The following RALGAPA2 variants were observed in gnomAD, a reference collection of about 807,000 sequenced individuals.
The protein encoded by RALGAPA2 is ral GTPase-activating protein subunit alpha-2.
Under a neutral mutation model 230.4 loss-of-function variants are expected in RALGAPA2, and 139 were observed. The observed-to-expected ratio is 0.60, with a 90% confidence interval of 0.53 to 0.69. The LOEUF (loss-of-function observed/expected upper bound fraction) is 0.69, where lower values mean the gene tolerates loss of function less well. Ranked by LOEUF, RALGAPA2 falls within the 30% of genes least tolerant of loss-of-function variation. The probability of loss-of-function intolerance (pLI) is 0.00; values close to 1 mark genes in which losing one functional copy is unlikely to be tolerated. For missense variants in RALGAPA2, 2,163 were observed against 2,276.0 expected (o/e 0.95, Z 1.01); for synonymous variants, 847 against 837.8 (o/e 1.01, Z -0.19).
chr20:20,432,430 C>T (rs998850834), intron 37 of RALGAPA2, among the ~76,000 whole-genome samples: 8 of 152,142 alleles, frequency 5.3e-5, no homozygotes, highest in African/African-American at 1.7e-4. Context: ...CAAAGGTGAG[C>T]GCCGTATATA....
At chr20:20,598,743 G>C (rs1347435725) in intron 16 of RALGAPA2, 2 of 456,510 alleles carry the variant, frequency 4.4e-6, no homozygotes, top group South Asian at 3.1e-5. Flanking sequence ...CGGTGTGAAG[G>C]AGGAGCGGGA....
intron 38 of RALGAPA2, among the ~76,000 whole-genome samples, chr20:20,406,411 G>A (rs2059946893): frequency 6.6e-6 from 1 of 152,204 alleles, no homozygotes; most frequent in Non-Finnish European, 1.5e-5. Flanking sequence ...CAAAGCAAAA[G>A]TGGTCAGAAT....
chr20:20,587,697 G>A (rs1172569366), intron 18 of RALGAPA2, among the ~76,000 whole-genome samples: 2 of 151,144 alleles, frequency 1.3e-5, no homozygotes, highest in Non-Finnish European at 3.0e-5. Context: ...CCCTAGAGAA[G>A]GTAAAAATAT....
At chr20:20,576,844 C>T (rs2064834935) in intron 20 of RALGAPA2, among the ~76,000 whole-genome samples, 2 of 151,856 alleles carry the variant, frequency 1.3e-5, no homozygotes, top group Non-Finnish European at 2.9e-5. Flanking sequence ...CCCTTTTCAC[C>T]TCCAACATTT....
intron 37 of RALGAPA2, among the ~76,000 whole-genome samples, chr20:20,435,154 T>G (rs1018708495): frequency 6.6e-6 from 1 of 152,222 alleles, no homozygotes; most frequent in East Asian, 1.9e-4. Flanking sequence ...CTGCAGACCC[T>G]TTTCCTCAAG....
Position 20,438,582 on chromosome 20 carries a change from C to T in RALGAPA2, c.5496-26434G>A, listed in dbSNP as rs899241676. Among the ~76,000 whole-genome samples, 6 of 152,154 alleles carry T rather than the reference C, an allele frequency of 3.9e-5. No individual in the cohort carries two copies. In the South Asian group the frequency reaches 1.2e-3, roughly 32 times the overall value. The stretch of plus-strand genomic sequence containing the variant: ...GCAGTGATCAGGGTGACTCAGCCAC[C>T]AGGGACCACAGGCAGCATGGGCCCG... On this transcript the variant is annotated intron_variant, in intron 37 of 39. Coordinates refer to ENST00000202677, the MANE Select transcript of RALGAPA2 (RefSeq NM_020343.4).
At chr20:20,601,121 GAAGAA>G (rs754233427) in intron 16 of RALGAPA2, among the ~76,000 whole-genome samples, 34 of 151,772 alleles carry the variant, frequency 2.2e-4, no homozygotes, top group African/African-American at 5.3e-4. Context: ...AAAGAGAAGA[GAAGAA>G]AAGAAAAGAA....
chr20:20,639,819 A>T lies in RALGAPA2; in HGVS notation c.632T>A (p.Phe211Tyr). 1 of 1,613,490 alleles carries T rather than the reference A, an allele frequency of 6.2e-7. No individual in the cohort carries two copies. Among genetic ancestry groups the T allele is most frequent in the Non-Finnish European group, 8.5e-7 (1 of 1,179,406 alleles). Residue 211 changes from phenylalanine to tyrosine, a missense_variant, in exon 7 of 40, where the codon TTT (phenylalanine) becomes TAT (tyrosine). Physicochemically the swap from Phe to Tyr is conservative, Grantham distance 22. Transcript: ENST00000202677. ...EKIAEDQTCFFLQILLKYMVI... is the reference protein window; with the variant it reads ...EKIAEDQTCFYLQILLKYMVI... Reference sequence around the variant, plus strand: ...CATATACTTCAACAGTATTTGAAGAAAAAAGCAGGTTTGGTCCTCAGCAAT... The same window carrying T: ...CATATACTTCAACAGTATTTGAAGATAAAAGCAGGTTTGGTCCTCAGCAAT...
At chr20:20,455,243 C>T (rs2061085307) in intron 37 of RALGAPA2, among the ~76,000 whole-genome samples, 1 of 152,252 alleles carries the variant, frequency 6.6e-6, no homozygotes, top group Non-Finnish European at 1.5e-5. Context: ...CTATCGATCG[C>T]TGCCTGCAGA....
Position 20,626,216 on chromosome 20 carries a change from AT to A in RALGAPA2, c.1233+3146del, listed in dbSNP as rs577766309. ...ACATAGTTATTTTGAAAGAAGTCACATTTTGTTTTCCATAAAAGAGAAATTC... is the reference window on the plus strand; with the variant it reads ...ACATAGTTATTTTGAAAGAAGTCACATTTGTTTTCCATAAAAGAGAAATTC... On this transcript the variant is annotated intron_variant, in intron 10 of 39. Transcript: ENST00000202677. 1.2e-4 allele frequency among the ~76,000 whole-genome samples: 18 copies of A among 152,348 alleles called. No individual in the cohort carries two copies. In the South Asian group the frequency reaches 3.7e-3, roughly 32 times the overall value.
At position 20,620,507 on chromosome 20, in the gene RALGAPA2, C is replaced by A. The variant is rs754537495; in HGVS notation, c.1357G>T (p.Glu453Ter). 1 of 1,613,960 alleles carries A rather than the reference C, an allele frequency of 6.2e-7. No individual in the cohort carries two copies. Among genetic ancestry groups the A allele is most frequent in the Non-Finnish European group, 8.5e-7 (1 of 1,179,832 alleles). The change falls in exon 11 of 40, where the codon GAA becomes TAA. Residue 453 changes from glutamate (E) to a stop codon, truncating the protein, a stop_gained. Transcript: ENST00000202677. LOFTEE classifies it high-confidence loss of function. ...EEPDRKDVAQ[E>*]DAEKLGFSET... The stretch of plus-strand genomic sequence containing the variant: ...GAAAATCCTAATTTTTCAGCATCTT[C>A]TTGGGCAACATCTTTTCTATCTGGC...
At chr20:20,459,540 C>T (rs573224754) in intron 37 of RALGAPA2, among the ~76,000 whole-genome samples, 81 of 151,078 alleles carry the variant, frequency 5.4e-4, no homozygotes, top group African/African-American at 1.8e-3. Flanking sequence ...GTGAGGACTG[C>T]GACAGTCCGG....
At chr20:20,667,908 T>G (rs2146723761) in intron 3 of RALGAPA2, among the ~76,000 whole-genome samples, 1 of 152,312 alleles carries the variant, frequency 6.6e-6, no homozygotes, top group South Asian at 2.1e-4. Flanking sequence ...AGAGGGTCAC[T>G]TTGGAGCCAT....
At chr20:20,407,011 T>C (rs570629461) in intron 38 of RALGAPA2, among the ~76,000 whole-genome samples, 26 of 152,174 alleles carry the variant, frequency 1.7e-4, no homozygotes, top group Non-Finnish European at 3.5e-4. Flanking sequence ...ATTATCACTA[T>C]AGGGTGGGCA....
At chr20:20,700,200 G>A (rs2069292611) in intron 1 of RALGAPA2, among the ~76,000 whole-genome samples, 1 of 152,094 alleles carries the variant, frequency 6.6e-6, no homozygotes, top group Admixed American at 6.6e-5. Flanking sequence ...GCGAATTAAT[G>A]CAGGAACTGA....
At position 20,391,745 on chromosome 20, in the gene RALGAPA2, C is replaced by G. The variant is rs1432333250; in HGVS notation, c.*1544G>C. The G allele has an allele frequency of 1.3e-5, 2 of 152,434 alleles. No individual in the cohort carries two copies. Among genetic ancestry groups the G allele is most frequent in the East Asian group, 1.9e-4 (1 of 5,200 alleles). 9.4% of individuals were successfully genotyped at this position (152,434 alleles called of 1,614,324 possible). A position where few individuals can be genotyped will look rare whatever the true frequency, so the allele number is the denominator to read the frequency against. ...CTTCAGGCCTGGGTGGCCAAGCAGC[C>G]TGAAGGTAACAAGTGTGTGCAAGGG... On this transcript the variant is annotated 3_prime_UTR_variant, in exon 40 of 40. Coordinates refer to ENST00000202677, the MANE Select transcript of RALGAPA2 (RefSeq NM_020343.4).
chr20:20,524,451 C>T lies in RALGAPA2; in HGVS notation c.3855G>A (p.Glu1285=). 6.2e-7 allele frequency: 1 copy of T among 1,613,916 alleles called. No homozygotes were observed. Among genetic ancestry groups the T allele is most frequent in the Middle Eastern group, 1.6e-4 (1 of 6,062 alleles). ...AGGGGGCTCTGGCCGAATGCTGCTCCTCTAGGACTGCTGTGGACACGGGGT... is the reference window on the plus strand; with the variant it reads ...AGGGGGCTCTGGCCGAATGCTGCTCTTCTAGGACTGCTGTGGACACGGGGT... ...LLHPVSTAVL[E]EQHSARAPLL... is the part of the protein sequence containing the mutation. Residue 1285 remains glutamate (E), a synonymous_variant, in exon 30 of 40, where the codon GAG becomes GAA. Transcript: ENST00000202677.
intron 20 of RALGAPA2, among the ~76,000 whole-genome samples, chr20:20,576,089 A>C (rs540204128): frequency 6.6e-6 from 1 of 152,196 alleles, no homozygotes; most frequent in South Asian, 2.1e-4. Context: ...TTCCTGAATT[A>C]GTCTTTTTAA....
At chr20:20,564,091 T>C (rs1309025237) in intron 23 of RALGAPA2, among the ~76,000 whole-genome samples, 1 of 152,176 alleles carries the variant, frequency 6.6e-6, no homozygotes, top group African/African-American at 2.4e-5. Context: ...TCATGTGGAG[T>C]ATCATGCTCA....
Sources: gnomAD v4.1 joint callset for allele counts (sites outside exome capture counted in the v4.1 genomes callset) on GRCh38, gnomAD v4.1.1 for gene constraint, MANE v1.5 for transcripts, NCBI Gene and HGNC (gene_info 2026-07-23, HGNC 2026-07-21) for gene names.